The following OTOG variants were observed in gnomAD, a reference collection of about 807,000 sequenced individuals.
OTOG encodes otogelin.
A neutral mutation model predicts 313.8 loss-of-function variants in OTOG; 296 were observed. The observed-to-expected ratio is 0.94, with a 90% CI of 0.86 to 1.04. The LOEUF is 1.04. Ranked by LOEUF, OTOG falls within the 50% of genes least tolerant of loss-of-function variation. OTOG has a pLI of 0.00. For synonymous variants in OTOG, 1,533 were observed against 1,554.9 expected, an observed-to-expected ratio of 0.99 and a Z score of 0.33; for missense variants, 3,948 against 3,840.1, an observed-to-expected ratio of 1.03 and a Z score of -0.74.
chr11:17,574,955 G>T, intron 20 of OTOG, 43 bp downstream of exon 20: 1 of 1,446,638 alleles, frequency 6.9e-7, no homozygotes. Context: ...GGGAAGGTGA[G>T]GCCAGGGGTC....
Position 17,591,515 on chromosome 11 carries a change from G to C in OTOG, c.2933G>C (p.Gly978Ala), listed in dbSNP as rs1261608784. The C allele has an allele frequency of 1.3e-6, 2 of 1,550,668 alleles. No individual in the cohort carries two copies. The highest frequency in any genetic ancestry group is 2.4e-5 in the South Asian group (2 of 84,066). Residue 978 changes from glycine to alanine, a missense_variant, in exon 25 of 56, where the codon GGG (glycine) becomes GCG (alanine). Coordinates refer to ENST00000399397, the MANE Select transcript of OTOG (RefSeq NM_001292063.2). ...HPCASTCTAY[G>A]DRHYRTFDGL... is the part of the protein sequence containing the mutation. The stretch of plus-strand genomic sequence containing the variant: ...TGCGCCTCCACCTGCACTGCCTATG[G>C]GGACCGGCATTACCGCACGTTTGAT...
At chr11:17,570,433 G>A (rs1401769019) in intron 17 of OTOG, 43 bp downstream of exon 17, 6 of 1,536,272 alleles carry the variant, frequency 3.9e-6, no homozygotes, top group South Asian at 1.2e-5. Context: ...GGGGAAATGG[G>A]CCCCTTAGGG....
chr11:17,594,463 C>T (rs1853040722), intron 28 of OTOG, among the ~76,000 whole-genome samples: 1 of 152,186 alleles, frequency 6.6e-6, no homozygotes, highest in African/African-American at 2.4e-5. Context: ...CATGATGATG[C>T]TTCCCAGTGC....
Position 17,558,190 on chromosome 11 carries a change from C to A in OTOG, c.871C>A (p.Leu291Met). 2 of 1,550,582 alleles carry A rather than the reference C, an allele frequency of 1.3e-6. No homozygotes were observed. Among genetic ancestry groups the A allele is most frequent in the Non-Finnish European group, 8.7e-7 (1 of 1,146,996 alleles). The part of the protein sequence containing the change: ...KDDLVTSSGK[L>M]TDDVVEFVHS... ...ATGTCAGCTCCCTCCTCCAGGGAAG[C>A]TGACTGACGACGTGGTTGAGTTTGT... Residue 291 changes from leucine to methionine, a missense_variant, in exon 9 of 56, where the codon CTG becomes ATG. Transcript: ENST00000399397.
intron 29 of OTOG, 32 bp from the exon 30 acceptor site, chr11:17,596,819 T>C: frequency 6.5e-7 from 1 of 1,538,992 alleles, no homozygotes; most frequent in Non-Finnish European, 8.8e-7. Flanking sequence ...TTGGGATCTG[T>C]CCTCTGACCT....
chr11:17,574,411 A>G (rs1307393470), intron 19 of OTOG, among the ~76,000 whole-genome samples: 1 of 151,650 alleles, frequency 6.6e-6, no homozygotes, highest in Non-Finnish European at 1.5e-5. Context: ...GGTGATCTCT[A>G]CCCCTTCCCC....
At chr11:17,607,306 C>G (rs1179807525) in intron 33 of OTOG, among the ~76,000 whole-genome samples, 1 of 152,228 alleles carries the variant, frequency 6.6e-6, no homozygotes, top group Non-Finnish European at 1.5e-5. Context: ...GCTTCGGAGC[C>G]TACCCACACC....
chr11:17,576,814 C>T (rs1764110052), intron 21 of OTOG, 54 bp from the exon 22 acceptor site: 5 of 1,544,414 alleles, frequency 3.2e-6, no homozygotes, highest in Non-Finnish European at 8.8e-7. Flanking sequence ...CATGGGGTGT[C>T]TGGGTCCTGC....
In OTOG at chr11:17,611,222, C is replaced by A. The variant is rs539143651; in HGVS notation, c.5922C>A (p.Ala1974=). The A allele has an allele frequency of 6.4e-7, 1 of 1,550,452 alleles. No individual in the cohort carries two copies. Among genetic ancestry groups the A allele is most frequent in the Non-Finnish European group, 8.7e-7 (1 of 1,147,002 alleles). ...TGAGCCGTGTCTCAGCCAGGACGGC[C>A]CCCCAAGACAGCATGCTGGTTCTGT... ...YALSRVSART[A]PQDSMLVLLP... The change falls in exon 36 of 56, where the codon GCC becomes GCA. Residue 1974 remains alanine, a synonymous_variant. Coordinates refer to ENST00000399397, the MANE Select transcript of OTOG (RefSeq NM_001292063.2).
In OTOG at chr11:17,559,124, G is replaced by C. The variant is rs1284710106; in HGVS notation, c.1176G>C (p.Arg392=). The change falls in exon 11 of 56, where the codon CGG becomes CGC. Residue 392 remains arginine, a synonymous_variant. Coordinates refer to ENST00000399397, the MANE Select transcript of OTOG (RefSeq NM_001292063.2). ...CCCGGGCGTGTGCCCAGGCAGGGCG[G>C]CCCTTGCAAGGCTGGAGGACCCAGC... ...EYARACAQAG[R]PLQGWRTQLR... is the part of the protein sequence containing the mutation. The C allele has an allele frequency of 6.5e-7, 1 of 1,542,304 alleles. No individual in the cohort carries two copies. The highest frequency in any genetic ancestry group is 1.4e-5 in the African/African-American group (1 of 73,048).
At chr11:17,589,170 C>G (rs1257385657) in intron 24 of OTOG, among the ~76,000 whole-genome samples, 3 of 152,168 alleles carry the variant, frequency 2.0e-5, no homozygotes, top group Admixed American at 6.5e-5. Flanking sequence ...ATGTGCAAAA[C>G]CCGGCTTCCA....
intron 17 of OTOG, among the ~76,000 whole-genome samples, chr11:17,571,568 T>C (rs2240491): frequency 0.47 from 71,779 of 151,986 alleles, 17,946 homozygotes; most frequent in African/African-American, 0.63. Flanking sequence ...TTTTCAGGAA[T>C]TGCCCATGGA....
At chr11:17,634,355 C>T (rs906042565) in intron 44 of OTOG, 74 bp downstream of exon 44, 1 of 1,440,950 alleles carries the variant, frequency 6.9e-7, no homozygotes, top group Middle Eastern at 1.8e-4. Flanking sequence ...CACACCAACC[C>T]TGATGGATAG....
chr11:17,608,216 G>A, intron 33 of OTOG, 80 bp from the exon 34 acceptor site: 4 of 958,264 alleles, frequency 4.2e-6, no homozygotes, highest in Non-Finnish European at 6.0e-6. Flanking sequence ...CCCTCCACAG[G>A]ATGGGGGGCA....
intron 30 of OTOG, 144 bp from the exon 31 acceptor site, chr11:17,599,527 A>G: frequency 1.2e-6 from 1 of 827,168 alleles, no homozygotes; most frequent in Non-Finnish European, 2.0e-6. Flanking sequence ...ATCCATGACC[A>G]TTCCCAAATC....
chr11:17,557,593 G>A (rs944877780), intron 8 of OTOG, among the ~76,000 whole-genome samples: 3 of 152,140 alleles, frequency 2.0e-5, no homozygotes, highest in Non-Finnish European at 2.9e-5. Flanking sequence ...CACTTTGCAG[G>A]TGGGATTGAC....
Position 17,599,662 on chromosome 11 carries a change from C to G in OTOG, c.3683-9C>G, listed in dbSNP as rs1853197001. 6.4e-7 allele frequency: 1 copy of G among 1,550,692 alleles called. No homozygotes were observed. The highest frequency in any genetic ancestry group is 2.4e-5 in the East Asian group (1 of 40,912). ...GGCTCTCAGGAAGTTCCTGTTCTCTCTCTTTCAGCGTATGACTGTGACTTC... is the reference window on the plus strand; with the variant it reads ...GGCTCTCAGGAAGTTCCTGTTCTCTGTCTTTCAGCGTATGACTGTGACTTC... On this transcript the variant is annotated splice_polypyrimidine_tract_variant and intron_variant, in intron 30 of 55. Coordinates refer to ENST00000399397, the MANE Select transcript of OTOG (RefSeq NM_001292063.2).
intron 15 of OTOG, among the ~76,000 whole-genome samples, chr11:17,566,274 G>A (rs1431611243): frequency 6.6e-6 from 1 of 152,106 alleles, no homozygotes; most frequent in Admixed American, 6.6e-5. Flanking sequence ...CTAATACAAT[G>A]TAAATGCTTA....
intron 8 of OTOG, 122 bp downstream of exon 8, chr11:17,557,445 C>A: frequency 2.1e-6 from 2 of 931,768 alleles, no homozygotes; most frequent in Non-Finnish European, 3.2e-6. Context: ...ATTAAAGACC[C>A]AATGGAAGGC....
Sources: gnomAD v4.1 joint callset for allele counts (sites outside exome capture counted in the v4.1 genomes callset) on GRCh38, gnomAD v4.1.1 for gene constraint, MANE v1.5 for transcripts, NCBI Gene and HGNC (gene_info 2026-07-23, HGNC 2026-07-21) for gene names.